Variants in ADK observed in about 807,000 individuals in gnomAD.
The protein encoded by ADK is adenosine kinase.
ADK carries 24 observed loss-of-function variants against 44.7 expected under a neutral mutation model. That is an observed-to-expected ratio of 0.54 (90% CI 0.39 to 0.76). The LOEUF (loss-of-function observed/expected upper bound fraction) is 0.76. Ranked by LOEUF, ADK falls within the 30% of genes least tolerant of loss-of-function variation. The pLI is 0.00. For missense variants in ADK, 321 were observed against 425.1 expected (o/e 0.76, Z 2.15); for synonymous variants, 128 against 142.6 (o/e 0.90, Z 0.73).
chr10:74,584,040 C>G (rs371953306), intron 7 of ADK, among the ~76,000 whole-genome samples: 1 of 152,184 alleles, frequency 6.6e-6, no homozygotes, highest in East Asian at 1.9e-4. Flanking sequence ...CATACCATCA[C>G]TTTTGTCATA....
intron 6 of ADK, among the ~76,000 whole-genome samples, chr10:74,482,692 A>T (rs1411506128): frequency 6.6e-6 from 1 of 152,206 alleles, no homozygotes; most frequent in Non-Finnish European, 1.5e-5. Context: ...CATTGGGTAA[A>T]TCCCTGTTCC....
At chr10:74,328,989 T>C (rs2131841743) in intron 4 of ADK, among the ~76,000 whole-genome samples, 1 of 151,284 alleles carries the variant, frequency 6.6e-6, no homozygotes, top group East Asian at 1.9e-4. Context: ...CACACCAGCA[T>C]GGCACATGTA....
At chr10:74,630,201 G>A (rs1853359880) in intron 9 of ADK, among the ~76,000 whole-genome samples, 1 of 151,708 alleles carries the variant, frequency 6.6e-6, no homozygotes, top group Non-Finnish European at 1.5e-5. Context: ...CAAAACCAAG[G>A]AGTTAATAAA....
chr10:74,514,620 G>T (rs1192800105), intron 6 of ADK, among the ~76,000 whole-genome samples: 5 of 151,600 alleles, frequency 3.3e-5, no homozygotes, highest in Admixed American at 2.0e-4. Context: ...TATGATATCT[G>T]TCTTTGTTGA....
At chr10:74,473,946 C>A (rs1347324765) in intron 6 of ADK, among the ~76,000 whole-genome samples, 1 of 152,024 alleles carries the variant, frequency 6.6e-6, no homozygotes, top group Non-Finnish European at 1.5e-5. Context: ...TGCAAATATT[C>A]TAGTTTTTTA....
At chr10:74,504,624 C>T (rs963977400) in intron 6 of ADK, among the ~76,000 whole-genome samples, 11 of 152,104 alleles carry the variant, frequency 7.2e-5, no homozygotes, top group African/African-American at 2.7e-4. Flanking sequence ...TCTGCTTCCC[C>T]ACTCAAATCT....
intron 1 of ADK, among the ~76,000 whole-genome samples, chr10:74,195,983 T>G (rs1276647100): frequency 6.6e-6 from 1 of 151,838 alleles, no homozygotes; most frequent in Non-Finnish European, 1.5e-5. Context: ...AGCCAATTTT[T>G]TGTAGAGATG....
At chr10:74,257,181 C>G (rs1029254835) in intron 3 of ADK, among the ~76,000 whole-genome samples, 3 of 124,838 alleles carry the variant, frequency 2.4e-5, no homozygotes, top group Non-Finnish European at 5.1e-5. Flanking sequence ...GCGGGTGGTT[C>G]CAGGACCCAA....
chr10:74,522,437 G>A (rs535455020), intron 6 of ADK, among the ~76,000 whole-genome samples: 1 of 152,088 alleles, frequency 6.6e-6, no homozygotes, highest in East Asian at 1.9e-4. Flanking sequence ...ATTGCTAGGG[G>A]GCCATATTTT....
chr10:74,158,156 C>T (rs1564565458), intron 1 of ADK, among the ~76,000 whole-genome samples: 2 of 151,914 alleles, frequency 1.3e-5, no homozygotes, highest in Non-Finnish European at 2.9e-5. Context: ...TAATAGTGGG[C>T]ATCTTTAGGT....
intron 6 of ADK, among the ~76,000 whole-genome samples, chr10:74,401,748 T>G (rs1843722803): frequency 6.6e-6 from 1 of 152,212 alleles, no homozygotes; most frequent in African/African-American, 2.4e-5. Flanking sequence ...ACATTTAAGG[T>G]TAATATTGTT....
intron 6 of ADK, among the ~76,000 whole-genome samples, chr10:74,492,850 C>T (rs1847537336): frequency 6.6e-6 from 1 of 152,050 alleles, no homozygotes; most frequent in African/African-American, 2.4e-5. Flanking sequence ...ACCCTTTGAT[C>T]ATAACATTAT....
intron 9 of ADK, among the ~76,000 whole-genome samples, chr10:74,643,476 C>T (rs1038908564): frequency 7.9e-5 from 12 of 152,088 alleles, no homozygotes; most frequent in Admixed American, 2.6e-4. Flanking sequence ...TTAAAACTAT[C>T]CACTAAATTT....
At chr10:74,480,145 G>A (rs978268641) in intron 6 of ADK, among the ~76,000 whole-genome samples, 1 of 151,506 alleles carries the variant, frequency 6.6e-6, no homozygotes, top group African/African-American at 2.4e-5. Flanking sequence ...TTATTTCTTG[G>A]AAATAATGTT....
At chr10:74,320,563 T>A (rs1840773902) in intron 4 of ADK, among the ~76,000 whole-genome samples, 1 of 152,112 alleles carries the variant, frequency 6.6e-6, no homozygotes, top group Admixed American at 6.6e-5. Flanking sequence ...CTTCAAAAAT[T>A]TTTTTCTTTT....
chr10:74,431,778 C>G (rs1393661945), intron 6 of ADK, among the ~76,000 whole-genome samples: 1 of 152,040 alleles, frequency 6.6e-6, no homozygotes, highest in Non-Finnish European at 1.5e-5. Context: ...ATACATTTCA[C>G]TCCAGCCTGG....
chr10:74,660,239 C>A (rs1854657521), intron 9 of ADK, among the ~76,000 whole-genome samples: 1 of 152,186 alleles, frequency 6.6e-6, no homozygotes, highest in Non-Finnish European at 1.5e-5. Flanking sequence ...AACCATCCTC[C>A]CACCTCAGCC....
chr10:74,706,109 A>C (rs1038278041), intron 10 of ADK, among the ~76,000 whole-genome samples: 2 of 152,126 alleles, frequency 1.3e-5, no homozygotes, highest in Non-Finnish European at 2.9e-5. Context: ...CAAGGCGGGC[A>C]GATTACTTGA....
intron 10 of ADK, among the ~76,000 whole-genome samples, chr10:74,694,111 C>T (rs1344504885): frequency 6.8e-6 from 1 of 146,926 alleles, no homozygotes; most frequent in Non-Finnish European, 1.5e-5. Context: ...GGAAAAAAGT[C>T]ATCCCAACTC....
Sources: gnomAD v4.1 joint callset for allele counts (sites outside exome capture counted in the v4.1 genomes callset) on GRCh38, gnomAD v4.1.1 for gene constraint, MANE v1.5 for transcripts, NCBI Gene and HGNC (gene_info 2026-07-23, HGNC 2026-07-21) for gene names.